RELCH: variants seen among roughly 807,000 people sequenced by gnomAD.
The protein encoded by RELCH is RAB11 binding and LisH domain, coiled-coil and HEAT repeat containing, also known as RAB11-binding protein RELCH.
A neutral mutation model predicts 150.3 loss-of-function variants in RELCH; 41 were observed. The observed-to-expected ratio is 0.27, with a 90% confidence interval of 0.21 to 0.35. The LOEUF (loss-of-function observed/expected upper bound fraction) is 0.35. Ranked by LOEUF, RELCH falls within the 10% of genes least tolerant of loss-of-function variation. The pLI is 1.00. For missense variants in RELCH, 1,092 were observed against 1,467.8 expected (o/e 0.74, Z 4.18); for synonymous variants, 478 against 531.8 (o/e 0.90, Z 1.39).
chr18:62,242,774 A>G lies in RELCH; in HGVS notation c.1621-1990A>G, dbSNP rs570056119. On this transcript the variant is annotated intron_variant, in intron 10 of 28. Coordinates refer to ENST00000644646, the MANE Select transcript of RELCH (RefSeq NM_001346231.2). Reference sequence around the variant, plus strand: ...ATATAAGGCGTAAAGGATAAAGAGCAACACAGTTGTTTTTGTATGCTTGTT... The same window carrying G: ...ATATAAGGCGTAAAGGATAAAGAGCGACACAGTTGTTTTTGTATGCTTGTT... Among the ~76,000 whole-genome samples, 15 of 152,290 alleles carry G rather than the reference A, an allele frequency of 9.8e-5. No homozygotes were observed. In the East Asian group the frequency reaches 2.1e-3, roughly 22 times the overall value.
At chr18:62,244,293 G>T (rs960957054) in intron 10 of RELCH, among the ~76,000 whole-genome samples, 2 of 152,008 alleles carry the variant, frequency 1.3e-5, no homozygotes, top group African/African-American at 4.8e-5. Flanking sequence ...AAGTGCTAAG[G>T]GTACAAAATT....
At chr18:62,263,463 T>C (rs566537228) in intron 16 of RELCH, among the ~76,000 whole-genome samples, 1 of 152,150 alleles carries the variant, frequency 6.6e-6, no homozygotes, top group South Asian at 2.1e-4. Flanking sequence ...AATGTTACTA[T>C]ACCTTCATTT....
chr18:62,213,468 C>T (rs1000411793), intron 2 of RELCH, among the ~76,000 whole-genome samples: 2 of 152,078 alleles, frequency 1.3e-5, no homozygotes, highest in South Asian at 2.1e-4. Flanking sequence ...CTGTGGCTCA[C>T]GCCTGTAATC....
chr18:62,305,629 T>C lies in RELCH; in HGVS notation c.*95T>C. 1 of 1,307,700 alleles carries C rather than the reference T, an allele frequency of 7.6e-7. No homozygotes were observed. Among genetic ancestry groups the C allele is most frequent in the Non-Finnish European group, 1.0e-6 (1 of 957,566 alleles). 81.0% of individuals were successfully genotyped at this position (1,307,700 alleles called of 1,614,324 possible). ...ACTTGCCTTTTTTGTTTCCTCAGTT[T>C]TATGTTCTTGCATTATAATTTTATC... On this transcript the variant is annotated 3_prime_UTR_variant, in exon 29 of 29. Transcript: ENST00000644646. The surrounding 1 kb of genome is among the most constrained non-coding windows in gnomAD (Gnocchi z 4.0).
chr18:62,293,702 G>GA (rs1377844875), intron 27 of RELCH, among the ~76,000 whole-genome samples: 1 of 151,770 alleles, frequency 6.6e-6, no homozygotes, highest in Non-Finnish European at 1.5e-5. Context: ...AAAAAAGAAG[G>GA]AAAAATTTTT....
chr18:62,214,482 CCTGCAAG>C (rs1289550907), intron 2 of RELCH, among the ~76,000 whole-genome samples: 1 of 152,144 alleles, frequency 6.6e-6, no homozygotes, highest in Non-Finnish European at 1.5e-5. Flanking sequence ...CCAGGCTACT[CCTGCAAG>C]CTGGTAGCTC....
intron 11 of RELCH, chr18:62,246,974 T>C (rs1016666559): frequency 6.6e-6 from 1 of 152,194 alleles, no homozygotes; most frequent in Non-Finnish European, 1.5e-5. Context: ...TCCAGCCTAC[T>C]TCAAATCCTG....
chr18:62,255,191 T>G (rs1425587398), intron 12 of RELCH, among the ~76,000 whole-genome samples: 1 of 152,134 alleles, frequency 6.6e-6, no homozygotes, highest in Non-Finnish European at 1.5e-5. Flanking sequence ...TGGTTTTCCC[T>G]TTTTTCTTTA....
At chr18:62,228,716 A>G in intron 8 of RELCH, 118 bp downstream of exon 8, 2 of 730,516 alleles carry the variant, frequency 2.7e-6, no homozygotes, top group Non-Finnish European at 4.2e-6. Context: ...ATTAATTTTT[A>G]TATTTGACAT....
At chr18:62,298,703 A>G (rs2045531093) in intron 27 of RELCH, 87 bp from the exon 28 acceptor site, 1 of 679,490 alleles carries the variant, frequency 1.5e-6, no homozygotes, top group Non-Finnish European at 2.6e-6. Flanking sequence ...ATTAGCTTAT[A>G]GGAATATTAA....
At chr18:62,258,166 A>G (rs1600114443) in intron 14 of RELCH, 78 bp downstream of exon 14, 4 of 1,259,154 alleles carry the variant, frequency 3.2e-6, no homozygotes, top group Non-Finnish European at 4.5e-6. Context: ...TCTGATTTAG[A>G]TACTTTATAA....
At chr18:62,292,235 T>C (rs951793804) in intron 27 of RELCH, among the ~76,000 whole-genome samples, 5 of 152,166 alleles carry the variant, frequency 3.3e-5, no homozygotes, top group African/African-American at 9.7e-5. Context: ...ATCACACTAA[T>C]CCATTGAAAC....
intron 1 of RELCH, among the ~76,000 whole-genome samples, chr18:62,210,196 T>G (rs2040070203): frequency 1.3e-5 from 2 of 152,156 alleles, no homozygotes; most frequent in South Asian, 4.1e-4. Context: ...TCTCTAAATT[T>G]TTGGTTTTTC....
chr18:62,199,770 A>C (rs1156871704), intron 1 of RELCH, among the ~76,000 whole-genome samples: 1 of 152,214 alleles, frequency 6.6e-6, no homozygotes, highest in East Asian at 1.9e-4. Flanking sequence ...TTTAGAGCTC[A>C]GGCTTTGCTG....
At position 62,309,393 on chromosome 18, in the gene RELCH, A is replaced by T. The variant is rs1207059936; in HGVS notation, c.*3859A>T. On this transcript the variant is annotated 3_prime_UTR_variant, in exon 29 of 29. Transcript: ENST00000644646. ...GTGTGTGAGCCTACACTGTGATCAC[A>T]GTCTCCAAGTGGCACATCTCATCAT... The T allele has an allele frequency of 6.6e-6, 1 of 152,200 alleles. No individual in the cohort carries two copies. Among genetic ancestry groups the T allele is most frequent in the Non-Finnish European group, 1.5e-5 (1 of 68,028 alleles). The allele number at this position is 152,200 out of a possible 1,614,324, so 9.4% of individuals were successfully genotyped here. A position where few individuals can be genotyped will look rare whatever the true frequency, so the allele number is the denominator to read the frequency against.
intron 11 of RELCH, 139 bp downstream of exon 11, chr18:62,245,015 C>G: frequency 1.7e-6 from 1 of 603,926 alleles, no homozygotes; most frequent in Non-Finnish European, 3.0e-6. Context: ...GAGCATTCCC[C>G]CATCATGGAT....
intron 22 of RELCH, 61 bp downstream of exon 22, chr18:62,275,534 A>G (rs751816402): frequency 2.0e-4 from 205 of 1,036,952 alleles, no homozygotes; most frequent in Non-Finnish European, 2.9e-4. Flanking sequence ...TTTGCGAAGA[A>G]GAAGGGAATT....
rs140067729 is a variant in RELCH at position 62,227,117 on chromosome 18, C to T, written c.859-172C>T. 2.6e-3 allele frequency among the ~76,000 whole-genome samples: 389 copies of T among 151,254 alleles called. 2 individuals carry two copies. The highest frequency in any genetic ancestry group is 8.8e-3 in the African/African-American group (364 of 41,244). On this transcript the variant is annotated intron_variant, in intron 5 of 28. Coordinates refer to ENST00000644646, the MANE Select transcript of RELCH (RefSeq NM_001346231.2). ...CTGAGGTGGGAGGCTCGCTTCAGCC[C>T]AGGAGTTTGAGGCTACAGTGAGCCA...
intron 1 of RELCH, among the ~76,000 whole-genome samples, chr18:62,209,678 AG>A (rs2040038247): frequency 6.8e-6 from 1 of 148,000 alleles, no homozygotes; most frequent in South Asian, 2.1e-4. Flanking sequence ...GAATTTTGAT[AG>A]GAATTGCATT....
Sources: allele counts gnomAD v4.1 joint callset (sites outside exome capture counted in the v4.1 genomes callset), GRCh38; gene constraint gnomAD v4.1.1; non-coding constraint Gnocchi (gnomAD v3.1); transcripts MANE v1.5; gene names NCBI Gene and HGNC (gene_info 2026-07-23, HGNC 2026-07-21).